B3GALT1: variants seen among roughly 807,000 people sequenced by gnomAD.
The protein encoded by B3GALT1 is UDP-Gal:betaGlcNAc beta 1,3-galactosyltransferase, polypeptide 1.
B3GALT1 carries 10 observed loss-of-function variants against 23.2 expected under a neutral mutation model. The ratio of observed to expected loss-of-function variants is 0.43; its 90% CI spans 0.27 to 0.73. The LOEUF (loss-of-function observed/expected upper bound fraction) is 0.73. B3GALT1 is among the 30% of genes least tolerant of loss of function. B3GALT1 has a pLI of 0.21. For missense variants in B3GALT1, 299 were observed against 405.4 expected, an observed-to-expected ratio of 0.74 and a Z score of 2.25; for synonymous variants, 156 against 141.5, an observed-to-expected ratio of 1.10 and a Z score of -0.73.
At chr2:167,358,525 G>A (rs1194928856) in intron 1 of B3GALT1, among the ~76,000 whole-genome samples, 1 of 152,036 alleles carries the variant, frequency 6.6e-6, no homozygotes, top group Non-Finnish European at 1.5e-5. Flanking sequence ...GAGCATGTTT[G>A]TGAACTTTTT....
At chr2:167,504,273 T>C (rs1699887821) in intron 2 of B3GALT1, among the ~76,000 whole-genome samples, 1 of 152,206 alleles carries the variant, frequency 6.6e-6, no homozygotes, top group African/African-American at 2.4e-5. Flanking sequence ...CCTGAGACTG[T>C]ACAGAACATT....
At chr2:167,396,407 T>C (rs1364829198) in intron 1 of B3GALT1, among the ~76,000 whole-genome samples, 1 of 151,880 alleles carries the variant, frequency 6.6e-6, no homozygotes. Flanking sequence ...AGAGGGCTTG[T>C]TTCATTAAGT....
intron 1 of B3GALT1, among the ~76,000 whole-genome samples, chr2:167,467,886 G>A (rs1699371197): frequency 6.6e-6 from 1 of 152,158 alleles, no homozygotes; most frequent in South Asian, 2.1e-4. Flanking sequence ...GCCAGACACT[G>A]TTTATGACAT....
chr2:167,426,066 A>G (rs751186059), intron 1 of B3GALT1, among the ~76,000 whole-genome samples: 1 of 152,160 alleles, frequency 6.6e-6, no homozygotes, highest in African/African-American at 2.4e-5. Flanking sequence ...AATATCCTCC[A>G]TATACAATGC....
At position 167,540,735 on chromosome 2, in the gene B3GALT1, A is replaced by C. The variant is rs556541029; in HGVS notation, c.-410+50458A>C. ...TTATTTCTAATGTACCATTAAATCTACTTTTATATTTTATCTCACTCCCTA... is the reference window on the plus strand; with the variant it reads ...TTATTTCTAATGTACCATTAAATCTCCTTTTATATTTTATCTCACTCCCTA... On this transcript the variant is annotated intron_variant, in intron 2 of 4. Transcript: ENST00000392690. Among the ~76,000 whole-genome samples the C allele has an allele frequency of 2.0e-5, 3 of 152,252 alleles. No homozygotes were observed. The South Asian group carries it at 6.2e-4, about 32-fold the overall frequency.
chr2:167,539,051 T>A (rs893892919), intron 2 of B3GALT1, among the ~76,000 whole-genome samples: 50 of 152,232 alleles, frequency 3.3e-4, no homozygotes, highest in East Asian at 3.9e-4. Flanking sequence ...ATGTAAAAGT[T>A]ATAAAAAAAT....
chr2:167,770,693 T>G (rs1688058345), intron 3 of B3GALT1, among the ~76,000 whole-genome samples: 1 of 152,176 alleles, frequency 6.6e-6, no homozygotes, highest in Non-Finnish European at 1.5e-5. Flanking sequence ...ATCTTTGCCT[T>G]ACCCAAGGTC....
Position 167,478,996 on chromosome 2 carries a change from G to A in B3GALT1, c.-510-11181G>A, listed in dbSNP as rs1471695353. Among the ~76,000 whole-genome samples the A allele has an allele frequency of 4.6e-5, 7 of 152,146 alleles. No individual in the cohort carries two copies. The South Asian group carries it at 6.2e-4, about 14-fold the overall frequency. On this transcript the variant is annotated intron_variant, in intron 1 of 4. Coordinates refer to ENST00000392690, the MANE Select transcript of B3GALT1 (RefSeq NM_020981.4). ...GGAGAATGGTGTGATCCCGGGAGGC[G>A]AAGCTTTCAGTGATCCTAGGTCGCG...
At chr2:167,636,300 C>T (rs1220704749) in intron 2 of B3GALT1, among the ~76,000 whole-genome samples, 2 of 151,822 alleles carry the variant, frequency 1.3e-5, no homozygotes, top group Non-Finnish European at 2.9e-5. Context: ...TTACCCCCAC[C>T]TAGAAATTCA....
chr2:167,682,328 C>A (rs1487651720), intron 3 of B3GALT1, among the ~76,000 whole-genome samples: 2 of 152,194 alleles, frequency 1.3e-5, no homozygotes, highest in Non-Finnish European at 2.9e-5. Context: ...GAAAATAATT[C>A]TTCATCCAAA....
chr2:167,832,938 A>G (rs1689381717), intron 4 of B3GALT1, among the ~76,000 whole-genome samples: 1 of 152,252 alleles, frequency 6.6e-6, no homozygotes, highest in Non-Finnish European at 1.5e-5. Flanking sequence ...TAGAGGTGAC[A>G]GCAGGGAACG....
chr2:167,735,321 T>C (rs1252286857), intron 3 of B3GALT1, among the ~76,000 whole-genome samples: 1 of 152,238 alleles, frequency 6.6e-6, no homozygotes, highest in Non-Finnish European at 1.5e-5. Context: ...CTTTTATTAA[T>C]ATATTTCCTA....
Position 167,426,123 on chromosome 2 carries a change from T to A in B3GALT1, c.-510-64054T>A, listed in dbSNP as rs80205687. Among the ~76,000 whole-genome samples the A allele has an allele frequency of 4.8e-4, 73 of 152,314 alleles. 1 individual carries two copies. In the East Asian group the frequency reaches 0.013, roughly 28 times the overall value. ...GGAGGAAAGAAATTTGAGCTGCTGT[T>A]GAATGTGATCTCCAGTTATTACCAG... On this transcript the variant is annotated intron_variant, in intron 1 of 4. Transcript: ENST00000392690.
At position 167,543,916 on chromosome 2, in the gene B3GALT1, A is replaced by G. The variant is rs1683579695; in HGVS notation, c.-410+53639A>G. Among the ~76,000 whole-genome samples, 3 of 152,256 alleles carry G rather than the reference A, an allele frequency of 2.0e-5. No homozygotes were observed. The South Asian group carries it at 6.2e-4, about 31-fold the overall frequency. On this transcript the variant is annotated intron_variant, in intron 2 of 4. Transcript: ENST00000392690. ...AACAAGAAGTCTGGAAACAGGTAGC[A>G]GAAGGCTAATGCAGTGGCCTAAAAA... is the stretch of plus-strand genomic sequence containing the variant.
intron 3 of B3GALT1, among the ~76,000 whole-genome samples, chr2:167,794,251 T>C (rs1688501504): frequency 6.6e-6 from 1 of 152,258 alleles, no homozygotes; most frequent in Non-Finnish European, 1.5e-5. Flanking sequence ...TTATTATCAC[T>C]GAATAAACTA....
chr2:167,535,965 G>A (rs1317683624), intron 2 of B3GALT1, among the ~76,000 whole-genome samples: 3 of 151,952 alleles, frequency 2.0e-5, no homozygotes, highest in Non-Finnish European at 2.9e-5. Flanking sequence ...ACTCTGTCAC[G>A]CAGGCTGGAG....
At chr2:167,558,886 GACAA>G (rs1683907128) in intron 2 of B3GALT1, among the ~76,000 whole-genome samples, 4 of 152,194 alleles carry the variant, frequency 2.6e-5, no homozygotes, top group Non-Finnish European at 5.9e-5. Context: ...GCAGGGCACA[GACAA>G]ACAAAAAGAC....
chr2:167,298,777 T>C (rs956298858), intron 1 of B3GALT1, among the ~76,000 whole-genome samples: 1 of 152,008 alleles, frequency 6.6e-6, no homozygotes, highest in Non-Finnish European at 1.5e-5. Flanking sequence ...ACCAAAACTG[T>C]GTGCAGTTTT....
chr2:167,460,510 C>T lies in B3GALT1; in HGVS notation c.-510-29667C>T, dbSNP rs543819264. On this transcript the variant is annotated intron_variant, in intron 1 of 4. Coordinates refer to ENST00000392690, the MANE Select transcript of B3GALT1 (RefSeq NM_020981.4). ...TTTCATTTTCTTCATACATGATTTT[C>T]GTGATTTCTTCCAAATTTTCCTTTA... 7.2e-5 allele frequency among the ~76,000 whole-genome samples: 11 copies of T among 152,110 alleles called. No homozygotes were observed. In the South Asian group the frequency reaches 1.0e-3, roughly 14 times the overall value.
Sources: allele counts gnomAD v4.1 joint callset (sites outside exome capture counted in the v4.1 genomes callset), GRCh38; gene constraint gnomAD v4.1.1; transcripts MANE v1.5; gene names NCBI Gene and HGNC (gene_info 2026-07-23, HGNC 2026-07-21).